The following HACE1 variants were observed in gnomAD, a reference collection of about 807,000 sequenced individuals.
The protein encoded by HACE1 is E3 ubiquitin-protein ligase HACE1.
Under a neutral mutation model 118.4 loss-of-function variants are expected in HACE1, and 73 were observed. The ratio of observed to expected loss-of-function variants is 0.62; its 90% CI spans 0.51 to 0.75. HACE1 has a LOEUF of 0.75. Among genes scored for constraint, HACE1 ranks in the 30% least tolerant of loss-of-function variants. The probability of loss-of-function intolerance (pLI) is 0.00; values close to 1 mark genes in which losing one functional copy is unlikely to be tolerated. For missense variants in HACE1, 749 were observed against 1,102.2 expected, an observed-to-expected ratio of 0.68 and a Z score of 4.54; for synonymous variants, 368 against 374.8, an observed-to-expected ratio of 0.98 and a Z score of 0.21.
chr6:104,771,593 T>C (rs1780605128), intron 18 of HACE1, among the ~76,000 whole-genome samples: 1 of 152,138 alleles, frequency 6.6e-6, no homozygotes, highest in African/African-American at 2.4e-5. Flanking sequence ...CAATGTAATC[T>C]TTCTTTGAAA....
intron 2 of HACE1, among the ~76,000 whole-genome samples, chr6:104,851,633 C>T (rs1776215569): frequency 6.6e-6 from 1 of 152,128 alleles, no homozygotes; most frequent in Non-Finnish European, 1.5e-5. Context: ...TGGCTGCTCC[C>T]CTTGCCAAAA....
chr6:104,766,861 T>C (rs1780065803), intron 19 of HACE1: 1 of 152,168 alleles, frequency 6.6e-6, no homozygotes, highest in Admixed American at 6.5e-5. Flanking sequence ...ATTGGAACCA[T>C]ACAGAGAAGA....
In HACE1 at chr6:104,744,214, A is replaced by G. The variant is rs1343773239; in HGVS notation, c.2459T>C (p.Val820Ala). 1 of 1,598,830 alleles carries G rather than the reference A, an allele frequency of 6.3e-7. No individual in the cohort carries two copies. The highest frequency in any genetic ancestry group is 1.4e-5 in the African/African-American group (1 of 71,002). ...TCTCTCCTCTTGAGTAATGTCTTCT[A>G]CAACTTCCCAGAACCACTAACAACA... ...DPVIQWFWEV[V>A]EDITQEERVL... Residue 820 changes from valine to alanine, a missense_variant, in exon 22 of 24, where the codon GTA (valine) becomes GCA (alanine). Coordinates refer to ENST00000262903, the MANE Select transcript of HACE1 (RefSeq NM_020771.4).
Position 104,843,295 on chromosome 6 carries a change from C to T in HACE1, c.330G>A (p.Gln110=). The T allele has an allele frequency of 2.0e-6, 3 of 1,483,306 alleles. No homozygotes were observed. The highest frequency in any genetic ancestry group is 2.8e-6 in the Non-Finnish European group (3 of 1,061,122). 91.9% of individuals were successfully genotyped at this position (1,483,306 alleles called of 1,614,324 possible). A position where few individuals can be genotyped will look rare whatever the true frequency, so the allele number is the denominator to read the frequency against. Residue 110 remains glutamine, a synonymous_variant, in exon 5 of 24, where the codon CAG becomes CAA. Transcript: ENST00000262903. The part of the protein sequence containing the change: ...TPLHLAARNG[Q]KKCMSKLLEY... The stretch of plus-strand genomic sequence containing the variant: ...CTAATAATTTACTCATACATTTCTT[C>T]TGCCTGAAAAGAAAAAAGAGTCATG...
At chr6:104,742,422 G>T (rs1329304509) in intron 22 of HACE1, among the ~76,000 whole-genome samples, 4 of 149,782 alleles carry the variant, frequency 2.7e-5, no homozygotes, top group Non-Finnish European at 4.4e-5. Context: ...TCTGACAAAG[G>T]GCTAATATCC....
At chr6:104,831,373 C>G (rs1353869230) in intron 6 of HACE1, 1 of 149,280 alleles carries the variant, frequency 6.7e-6, no homozygotes, top group Non-Finnish European at 1.5e-5. Context: ...TCACTTGAGA[C>G]CAGGAATTCA....
intron 14 of HACE1, 38 bp from the exon 15 acceptor site, chr6:104,777,355 T>C (rs1337031146): frequency 1.6e-6 from 2 of 1,220,404 alleles, no homozygotes; most frequent in Admixed American, 3.4e-5. Flanking sequence ...GTTAGCAGTG[T>C]ATCAGTCATC....
intron 5 of HACE1, among the ~76,000 whole-genome samples, chr6:104,833,635 C>T (rs1467726681): frequency 1.3e-5 from 2 of 152,034 alleles, no homozygotes; most frequent in Non-Finnish European, 2.9e-5. Context: ...CTTGAAGCAA[C>T]GAGTTCAAGA....
intron 12 of HACE1, 100 bp from the exon 13 acceptor site, chr6:104,784,585 C>CAA (rs71763197): frequency 3.2e-3 from 2,046 of 636,750 alleles, no homozygotes; most frequent in South Asian, 4.2e-3. Flanking sequence ...GCTTCTAAAC[C>CAA]AAAAAAAAAA....
intron 14 of HACE1, among the ~76,000 whole-genome samples, chr6:104,778,034 C>T (rs1468656766): frequency 6.6e-6 from 1 of 152,184 alleles, no homozygotes; most frequent in African/African-American, 2.4e-5. Flanking sequence ...GCTGGGATTA[C>T]AGGCATGAGC....
rs113652191 is a variant in HACE1 at position 104,753,594 on chromosome 6, T to A, written c.2212-3122A>T. 2.8e-3 allele frequency among the ~76,000 whole-genome samples: 422 copies of A among 152,318 alleles called. 4 individuals are homozygous for A. Among genetic ancestry groups the A allele is most frequent in the African/African-American group, 9.8e-3 (407 of 41,586 alleles). On this transcript the variant is annotated intron_variant, in intron 19 of 23. Transcript: ENST00000262903. ...CCTTCTCTGCTGATACCTCCAGGTATGGGAGAAACCAAGGCAACTGGGGTC... is the reference window on the plus strand; with the variant it reads ...CCTTCTCTGCTGATACCTCCAGGTAAGGGAGAAACCAAGGCAACTGGGGTC...
chr6:104,758,758 T>C (rs1779000790), intron 19 of HACE1, among the ~76,000 whole-genome samples: 1 of 151,824 alleles, frequency 6.6e-6, no homozygotes, highest in Non-Finnish European at 1.5e-5. Flanking sequence ...GACTGGCAAA[T>C]TGGATAGAGT....
chr6:104,735,369 C>T (rs1222578548), intron 22 of HACE1, among the ~76,000 whole-genome samples: 1 of 152,004 alleles, frequency 6.6e-6, no homozygotes, highest in African/African-American at 2.4e-5. Flanking sequence ...TGGCTCACGC[C>T]TACATGTAAT....
At chr6:104,820,412 GAACAA>G (rs1388304079) in intron 6 of HACE1, among the ~76,000 whole-genome samples, 1 of 151,986 alleles carries the variant, frequency 6.6e-6, no homozygotes, top group Non-Finnish European at 1.5e-5. Context: ...AAAACCTACA[GAACAA>G]GAGAAAATTT....
At chr6:104,779,654 T>C (rs1007673505) in intron 14 of HACE1, among the ~76,000 whole-genome samples, 6 of 152,112 alleles carry the variant, frequency 3.9e-5, no homozygotes, top group Non-Finnish European at 4.4e-5. Context: ...GAAAAAACAT[T>C]ACACAGAAGC....
At chr6:104,734,978 G>A (rs1004847152) in intron 22 of HACE1, among the ~76,000 whole-genome samples, 18 of 151,698 alleles carry the variant, frequency 1.2e-4, no homozygotes, top group East Asian at 3.9e-4. Context: ...AATAAGGTCC[G>A]GATGGTTTAA....
intron 7 of HACE1, among the ~76,000 whole-genome samples, chr6:104,800,624 A>T (rs1770225283): frequency 6.6e-6 from 1 of 152,210 alleles, no homozygotes; most frequent in South Asian, 2.1e-4. Flanking sequence ...CCTGCAGCTG[A>T]GGGACCTGAC....
intron 5 of HACE1, among the ~76,000 whole-genome samples, chr6:104,835,718 G>A (rs1774464239): frequency 6.6e-6 from 1 of 152,090 alleles, no homozygotes; most frequent in Non-Finnish European, 1.5e-5. Flanking sequence ...CAGGTTGATA[G>A]GGTCTCAATA....
chr6:104,839,628 T>A (rs934790197), intron 5 of HACE1, among the ~76,000 whole-genome samples: 2 of 152,100 alleles, frequency 1.3e-5, no homozygotes, highest in Non-Finnish European at 2.9e-5. Context: ...TGTACACAGG[T>A]AATAAAACTA....
Sources: gnomAD v4.1 joint callset for allele counts (sites outside exome capture counted in the v4.1 genomes callset) on GRCh38, gnomAD v4.1.1 for gene constraint, MANE v1.5 for transcripts, NCBI Gene and HGNC (gene_info 2026-07-23, HGNC 2026-07-21) for gene names.